The following TMEM74 variants were observed in gnomAD, a reference collection of about 807,000 sequenced individuals.
TMEM74 encodes transmembrane protein 74.
A neutral mutation model predicts 18.1 loss-of-function variants in TMEM74; 13 were observed. The observed-to-expected ratio is 0.72, with a 90% CI of 0.47 to 1.14. The LOEUF is 1.14. Ranked by LOEUF, TMEM74 falls within the 50% of genes most tolerant of loss-of-function variation. TMEM74 has a pLI of 0.00. For synonymous variants in TMEM74, 159 were observed against 146.6 expected (o/e 1.08, Z -0.61); for missense variants, 372 against 375.9 (o/e 0.99, Z 0.09).
intron 1 of TMEM74, among the ~76,000 whole-genome samples, chr8:108,690,643 G>T (rs967072673): frequency 6.6e-6 from 1 of 151,692 alleles, no homozygotes; most frequent in African/African-American, 2.4e-5. Flanking sequence ...CTGAAACCCC[G>T]TCTCTACTAA....
chr8:108,758,404 G>T lies in TMEM74; in HGVS notation n.119+29072C>A, dbSNP rs79481190. On this transcript the variant is annotated intron_variant and non_coding_transcript_variant, in intron 1 of 3. Coordinates refer to the TMEM74 transcript ENST00000518838. ...TTAACTCTCTTGACCTCAGTTGGGT[G>T]AAGGATAGATACATGTAAAGCCAAT... Among the ~76,000 whole-genome samples, 872 of 152,158 alleles carry T rather than the reference G, an allele frequency of 5.7e-3. 14 individuals are homozygous for T. The highest frequency in any genetic ancestry group is 0.056 in the East Asian group (288 of 5,148).
chr8:108,658,389 C>T (rs1198931720), intron 1 of TMEM74, among the ~76,000 whole-genome samples: 2 of 151,934 alleles, frequency 1.3e-5, no homozygotes, highest in Non-Finnish European at 2.9e-5. Flanking sequence ...ATGTGCTTAC[C>T]TCTAGATCTG....
chr8:108,764,655 C>T (rs1248551555), intron 1 of TMEM74, among the ~76,000 whole-genome samples: 7 of 152,154 alleles, frequency 4.6e-5, no homozygotes, highest in Middle Eastern at 3.4e-3. Flanking sequence ...CTTTATGCTG[C>T]GGTTGTGCAT....
intron 2 of TMEM74, among the ~76,000 whole-genome samples, chr8:108,635,711 T>G (rs1812600729): frequency 6.6e-6 from 1 of 152,042 alleles, no homozygotes; most frequent in Admixed American, 6.6e-5. Flanking sequence ...ACGTCCCTTT[T>G]CATGAAGATT....
At chr8:108,778,470 G>A (rs1366381956), downstream of TMEM74, among the ~76,000 whole-genome samples, 1 of 152,154 alleles carries the variant, frequency 6.6e-6, no homozygotes, top group African/African-American at 2.4e-5. Flanking sequence ...AATGATCAGA[G>A]GTGGTTAACA....
At chr8:108,616,021 G>A (rs1275170739) in intron 2 of TMEM74, among the ~76,000 whole-genome samples, 5 of 152,004 alleles carry the variant, frequency 3.3e-5, no homozygotes, top group African/African-American at 7.2e-5. Context: ...TCTTGACCTC[G>A]TGATCCGCCT....
chr8:108,711,935 C>A (rs1171718011), intron 1 of TMEM74, among the ~76,000 whole-genome samples: 1 of 151,916 alleles, frequency 6.6e-6, no homozygotes, highest in African/African-American at 2.4e-5. Context: ...ATATCTATAT[C>A]TATAGATATA....
chr8:108,764,201 T>C (rs994064076), intron 1 of TMEM74, among the ~76,000 whole-genome samples: 2 of 152,134 alleles, frequency 1.3e-5, no homozygotes, highest in African/African-American at 4.8e-5. Context: ...TTTACAGCAA[T>C]GGCATACCAA....
rs186125573 is a variant in TMEM74, at chr8:108,772,911, G to A, written n.119+14565C>T. ...CCTCACAGGATTGTCATGGGGATTCGATGAGTAAATATGAGAACTGGGGCC... is the reference window on the plus strand; with the variant it reads ...CCTCACAGGATTGTCATGGGGATTCAATGAGTAAATATGAGAACTGGGGCC... On this transcript the variant is annotated intron_variant and non_coding_transcript_variant, in intron 1 of 3. Transcript: ENST00000518838. Among the ~76,000 whole-genome samples, 22 of 152,220 alleles carry A rather than the reference G, an allele frequency of 1.4e-4. No individual in the cohort carries two copies. In the East Asian group the frequency reaches 1.7e-3, roughly 12 times the overall value.
intron 1 of TMEM74, among the ~76,000 whole-genome samples, chr8:108,660,255 C>G (rs1305940082): frequency 1.3e-5 from 2 of 152,190 alleles, no homozygotes; most frequent in Non-Finnish European, 2.9e-5. Flanking sequence ...GCTAGTTTCT[C>G]TACTACTCCC....
At chr8:108,701,945 C>G (rs918934258) in intron 1 of TMEM74, among the ~76,000 whole-genome samples, 1 of 151,956 alleles carries the variant, frequency 6.6e-6, no homozygotes, top group African/African-American at 2.4e-5. Flanking sequence ...CCATAATAAA[C>G]GACAACATTT....
chr8:108,724,698 T>A (rs1813616615), intron 1 of TMEM74, among the ~76,000 whole-genome samples: 1 of 152,136 alleles, frequency 6.6e-6, no homozygotes, highest in South Asian at 2.1e-4. Context: ...CTAAAGCACC[T>A]CACTATGCAT....
intron 2 of TMEM74, among the ~76,000 whole-genome samples, chr8:108,647,170 A>G (rs1159453574): frequency 6.6e-6 from 1 of 152,088 alleles, no homozygotes; most frequent in Non-Finnish European, 1.5e-5. Flanking sequence ...TGCCTTATGT[A>G]TTAACAGCAA....
intron 1 of TMEM74, among the ~76,000 whole-genome samples, chr8:108,768,236 A>G (rs1432611839): frequency 6.6e-6 from 1 of 152,036 alleles, no homozygotes; most frequent in African/African-American, 2.4e-5. Context: ...AATTCAAGCA[A>G]TTTCCTTCAC....
intron 1 of TMEM74, among the ~76,000 whole-genome samples, chr8:108,669,540 A>G (rs565938988): frequency 1.3e-5 from 2 of 152,334 alleles, no homozygotes; most frequent in East Asian, 3.9e-4. Flanking sequence ...AGTGGAAATA[A>G]CTGGTGACTC....
chr8:108,687,253 A>G (rs1813179348), intron 1 of TMEM74, among the ~76,000 whole-genome samples: 1 of 152,146 alleles, frequency 6.6e-6, no homozygotes, highest in African/African-American at 2.4e-5. Context: ...CAACAAACCT[A>G]TAAAACCCAA....
rs141941950 is a variant in TMEM74, at chr8:108,784,410, C to A, written c.689G>T (p.Arg230Leu). 7.0e-5 allele frequency: 113 copies of A among 1,613,986 alleles called. No individual in the cohort carries two copies. The highest frequency in any genetic ancestry group is 9.2e-5 in the Non-Finnish European group (108 of 1,180,028). The change falls in exon 2 of 2, where the codon CGC becomes CTC. Residue 230 changes from arginine to leucine, a missense_variant. Physicochemically the swap from Arg to Leu is moderately radical, Grantham distance 102. Transcript: ENST00000297459. Reference protein sequence around the residue: ...ESARLGAHLDRCVIAGLCLLT... With the variant: ...ESARLGAHLDLCVIAGLCLLT... ...GAGGCAGAGCCCCGCAATCACACAG[C>A]GGTCCAGGTGAGCCCCCAGCCTCGC...
At chr8:108,656,221 G>A (rs1352553950) in intron 1 of TMEM74, among the ~76,000 whole-genome samples, 1 of 152,192 alleles carries the variant, frequency 6.6e-6, no homozygotes, top group Non-Finnish European at 1.5e-5. Flanking sequence ...TGCCTGCAGA[G>A]AATCTGCTCT....
intron 2 of TMEM74, among the ~76,000 whole-genome samples, chr8:108,614,762 C>T (rs980763203): frequency 6.6e-6 from 1 of 152,074 alleles, no homozygotes; most frequent in African/African-American, 2.4e-5. Flanking sequence ...TTGAGTGTTA[C>T]ATTTACTTCA....
Sources: gnomAD v4.1 joint callset for allele counts (sites outside exome capture counted in the v4.1 genomes callset) on GRCh38, gnomAD v4.1.1 for gene constraint, MANE v1.5 for transcripts, NCBI Gene and HGNC (gene_info 2026-07-23, HGNC 2026-07-21) for gene names.